NIPSNAP3B: variants seen among roughly 807,000 people sequenced by gnomAD.
The protein encoded by NIPSNAP3B is protein NipSnap homolog 3B.
In NIPSNAP3B, 30 loss-of-function variants were observed where a neutral mutation model predicts 31.5. That is an observed-to-expected ratio of 0.95 (90% confidence interval 0.71 to 1.29). The LOEUF (loss-of-function observed/expected upper bound fraction) is 1.29. Ranked by LOEUF, NIPSNAP3B falls within the 50% of genes most tolerant of loss-of-function variation. The pLI, the probability that NIPSNAP3B is intolerant of heterozygous loss-of-function variation, is 0.00. For missense variants in NIPSNAP3B, 269 were observed against 300.7 expected (o/e 0.89, Z 0.78); for synonymous variants, 106 against 107.9 (o/e 0.98, Z 0.11).
chr9:104,785,516 C>T, the NIPSNAP3B span: 1 of 1,613,684 alleles, frequency 6.2e-7, no homozygotes, highest in Middle Eastern at 1.7e-4. Context: ...GGTATTGTAG[C>T]ATGTTCCGGT....
chr9:104,772,439 TA>T (rs1383268636), intron 4 of NIPSNAP3B, among the ~76,000 whole-genome samples: 3 of 152,174 alleles, frequency 2.0e-5, no homozygotes, highest in Non-Finnish European at 4.4e-5. Flanking sequence ...CATATGTTGA[TA>T]AAGGTTTATC....
At chr9:104,766,600 T>G (rs1377604671) in intron 2 of NIPSNAP3B, 65 bp downstream of exon 2, 12 of 1,468,628 alleles carry the variant, frequency 8.2e-6, no homozygotes, top group Non-Finnish European at 1.1e-5. Context: ...AACATAAGAC[T>G]TAGTTCTTGG....
the NIPSNAP3B span, chr9:104,785,782 T>A: frequency 1.1e-6 from 1 of 918,386 alleles, no homozygotes; most frequent in Non-Finnish European, 1.7e-6. Context: ...AAGGAACCAG[T>A]TATCATTTAC....
the NIPSNAP3B span, among the ~76,000 whole-genome samples, chr9:104,789,018 G>C: frequency 6.6e-6 from 1 of 152,190 alleles, no homozygotes; most frequent in East Asian, 1.9e-4. Context: ...TGTGGTGGTG[G>C]GGTGGCTTTG....
the NIPSNAP3B span, among the ~76,000 whole-genome samples, chr9:104,787,502 A>T: frequency 7.2e-5 from 11 of 152,340 alleles, no homozygotes; most frequent in South Asian, 1.0e-3. Flanking sequence ...AGAAGAAAAA[A>T]GGTCAAGGGC....
At chr9:104,789,651 CAGT>C in the NIPSNAP3B span, among the ~76,000 whole-genome samples, 1 of 152,166 alleles carries the variant, frequency 6.6e-6, no homozygotes, top group African/African-American at 2.4e-5. Flanking sequence ...CAATTAGTAA[CAGT>C]AGGTACTGCT....
In NIPSNAP3B at chr9:104,777,151, A is replaced by G. The variant is rs1166798708; in HGVS notation, c.*4078A>G. 1 of 152,214 alleles carries G rather than the reference A, an allele frequency of 6.6e-6. No homozygotes were observed. Among genetic ancestry groups the G allele is most frequent in the Non-Finnish European group, 1.5e-5 (1 of 68,034 alleles). 9.4% of individuals were successfully genotyped at this position (152,214 alleles called of 1,614,324 possible). ...AGGAAGAGAAACAGATATGCAACCAATCTGATTTGGTTCCACACCCTGCCA... is the reference window on the plus strand; with the variant it reads ...AGGAAGAGAAACAGATATGCAACCAGTCTGATTTGGTTCCACACCCTGCCA... On this transcript the variant is annotated 3_prime_UTR_variant, in exon 6 of 6. Coordinates refer to ENST00000374762, the MANE Select transcript of NIPSNAP3B (RefSeq NM_018376.4).
Position 104,773,492 on chromosome 9 carries a change from T to TA in NIPSNAP3B, c.*426dup, listed in dbSNP as rs1828269361. The TA allele has an allele frequency of 6.5e-6, 1 of 153,480 alleles. No homozygotes were observed. The highest frequency in any genetic ancestry group is 2.0e-4 in the South Asian group (1 of 4,902). The allele number at this position is 153,480 out of a possible 1,614,324, so 9.5% of individuals were successfully genotyped here. A position where few individuals can be genotyped will look rare whatever the true frequency, so the allele number is the denominator to read the frequency against. On this transcript the variant is annotated 3_prime_UTR_variant, in exon 6 of 6. Transcript: ENST00000374762. ...ATCATGTCTATAGTTCCTGAGATTT[T>TA]AAAAAAATTTGCTTAGTAAAGGTTA... is the stretch of plus-strand genomic sequence containing the variant.
Position 104,773,006 on chromosome 9 carries a change from G to T in NIPSNAP3B, c.677G>T (p.Ser226Ile). Residue 226 changes from serine (S) to isoleucine (I), a missense_variant, in exon 6 of 6, where the codon AGT becomes ATT. Coordinates refer to ENST00000374762, the MANE Select transcript of NIPSNAP3B (RefSeq NM_018376.4). ...TGAAATGTTTTTCCAGTTCGGGAAA[G>T]TGTCAACTACCTAGTTTCTCAGCAG... ...DPRVVAAVRE[S>I]VNYLVSQQNM... is the part of the protein sequence containing the mutation. 6.2e-7 allele frequency: 1 copy of T among 1,614,098 alleles called. No homozygotes were observed. Among genetic ancestry groups the T allele is most frequent in the Non-Finnish European group, 8.5e-7 (1 of 1,179,956 alleles).
intron 4 of NIPSNAP3B, among the ~76,000 whole-genome samples, chr9:104,772,490 T>G (rs548242418): frequency 3.3e-5 from 5 of 152,262 alleles, no homozygotes; most frequent in African/African-American, 1.2e-4. Context: ...TTTTTCTTTG[T>G]ATCACCTAAA....
chr9:104,788,526 T>C, the NIPSNAP3B span: 2 of 1,614,186 alleles, frequency 1.2e-6, no homozygotes, highest in Non-Finnish European at 1.7e-6. Flanking sequence ...CTGAGGGCAG[T>C]AGCCCATGTT....
chr9:104,772,174 G>A (rs1047226207), intron 4 of NIPSNAP3B, among the ~76,000 whole-genome samples: 4 of 149,484 alleles, frequency 2.7e-5, no homozygotes, highest in Non-Finnish European at 4.4e-5. Flanking sequence ...CATTCTGGAG[G>A]TTGTCTGTTT....
chr9:104,788,056 TA>T, the NIPSNAP3B span: 1 of 1,614,140 alleles, frequency 6.2e-7, no homozygotes. Flanking sequence ...CTCACCAACC[TA>T]CAGTGATAAA....
chr9:104,786,775 T>C, the NIPSNAP3B span: 1 of 1,150,448 alleles, frequency 8.7e-7, no homozygotes, highest in Admixed American at 1.7e-5. Context: ...TTTTACTCTT[T>C]GCTTTTCTGT....
chr9:104,768,987 A>G lies in NIPSNAP3B; in HGVS notation c.396A>G (p.Ile132Met). Residue 132 changes from isoleucine (I) to methionine (M), a missense_variant, in exon 3 of 6, where the codon ATA becomes ATG. Physicochemically the swap from Ile to Met is conservative, Grantham distance 10. Transcript: ENST00000374762. ...AAGAGACGGAAATTACTTACCTGAT[A>G]CCATGGTCCAAATTAGAAAAGCCTC... ...DKQETEITYL[I>M]PWSKLEKPPK... 1.2e-6 allele frequency: 2 copies of G among 1,613,600 alleles called. No individual in the cohort carries two copies. The highest frequency in any genetic ancestry group is 2.2e-5 in the South Asian group (2 of 91,038).
At chr9:104,784,521 T>C in the NIPSNAP3B span, 10 of 1,598,222 alleles carry the variant, frequency 6.3e-6, no homozygotes, top group South Asian at 1.1e-4. Flanking sequence ...ATTCTAGTTC[T>C]ATTTTTCCAG....
chr9:104,772,454 G>T (rs1398100538), intron 4 of NIPSNAP3B, among the ~76,000 whole-genome samples: 2 of 151,840 alleles, frequency 1.3e-5, no homozygotes, highest in Non-Finnish European at 2.9e-5. Context: ...GTTTATCTAG[G>T]CAGTTAAGAT....
At chr9:104,781,248 G>C (rs1168261333), downstream of NIPSNAP3B, 2 of 152,526 alleles carry the variant, frequency 1.3e-5, no homozygotes, top group Non-Finnish European at 2.9e-5. Context: ...TGGAATGAGG[G>C]CCAATGATGA....
In NIPSNAP3B at chr9:104,772,927, C is replaced by T. The variant is rs968636364; in HGVS notation, c.667+19C>T. Reference sequence around the variant, plus strand: ...GCGGCTGGTAAGCTGTTTCACTAAGCACGAATTATTTTTAGAACAAATGTG... The same window carrying T: ...GCGGCTGGTAAGCTGTTTCACTAAGTACGAATTATTTTTAGAACAAATGTG... On this transcript the variant is annotated intron_variant, in intron 5 of 5. Transcript: ENST00000374762. The T allele has an allele frequency of 4.3e-6, 7 of 1,613,608 alleles. No individual in the cohort carries two copies. Among genetic ancestry groups the T allele is most frequent in the African/African-American group, 1.3e-5 (1 of 74,906 alleles).
Sources: allele counts gnomAD v4.1 joint callset (sites outside exome capture counted in the v4.1 genomes callset), GRCh38; gene constraint gnomAD v4.1.1; transcripts MANE v1.5; gene names NCBI Gene and HGNC (gene_info 2026-07-23, HGNC 2026-07-21).